The following EBF3 variants were observed in gnomAD, a reference collection of about 807,000 sequenced individuals.
EBF3 encodes transcription factor COE3.
EBF3 carries 18 observed loss-of-function variants against 77.1 expected under a neutral mutation model. That is an observed-to-expected ratio of 0.23 (90% confidence interval 0.16 to 0.35). EBF3 has a LOEUF of 0.35. EBF3 is among the 10% of genes least tolerant of loss of function. The pLI is 1.00. For synonymous variants in EBF3, 350 were observed against 343.5 expected (o/e 1.02, Z -0.21); for missense variants, 558 against 860.0 (o/e 0.65, Z 4.39).
At chr10:129,843,982 G>A (rs1350639170) in intron 11 of EBF3, among the ~76,000 whole-genome samples, 1 of 152,176 alleles carries the variant, frequency 6.6e-6, no homozygotes, top group Non-Finnish European at 1.5e-5. Flanking sequence ...ATACAAATGG[G>A]GGCTTACGTT....
At position 129,841,229 on chromosome 10, in the gene EBF3, C is replaced by T. The variant is rs2133947340; in HGVS notation, c.1373-197G>A. 6.6e-6 allele frequency among the ~76,000 whole-genome samples: 1 copy of T among 152,338 alleles called. No homozygotes were observed. Among genetic ancestry groups the T allele is most frequent in the African/African-American group, 2.4e-5 (1 of 41,576 alleles). ...GCCACTGTCTCACCGTGAGCCCCAT[C>T]CTGTCTCTGCTGGCTTCAACAGCCA... On this transcript the variant is annotated intron_variant, in intron 13 of 16. Coordinates refer to ENST00000440978, the MANE Select transcript of EBF3 (RefSeq NM_001375380.1). This position sits in a 1 kb window ranked among gnomAD's most constrained non-coding sequence, Gnocchi z 4.6.
intron 6 of EBF3, among the ~76,000 whole-genome samples, chr10:129,930,113 T>C (rs1856906578): frequency 6.6e-6 from 1 of 152,172 alleles, no homozygotes; most frequent in Non-Finnish European, 1.5e-5. Context: ...CTTTGCACTC[T>C]GGGATTCACA....
chr10:129,920,525 C>T (rs983344430), intron 6 of EBF3, among the ~76,000 whole-genome samples: 1 of 152,218 alleles, frequency 6.6e-6, no homozygotes, highest in African/African-American at 2.4e-5. Flanking sequence ...CTCCTCCTGA[C>T]CCAGCTGGGG....
At chr10:129,840,150 G>C (rs1452820999) in intron 15 of EBF3, 95 bp downstream of exon 15, 1 of 1,434,432 alleles carries the variant, frequency 7.0e-7, no homozygotes, top group East Asian at 2.5e-5. Flanking sequence ...AGCAGTCACA[G>C]AGGTGCCAGG....
intron 6 of EBF3, among the ~76,000 whole-genome samples, chr10:129,909,750 C>T (rs1186461650): frequency 3.3e-5 from 5 of 152,128 alleles, no homozygotes; most frequent in Admixed American, 2.0e-4. Context: ...TGTGGCACAC[C>T]GTCAGCCGCC....
chr10:129,899,702 A>T (rs1854649612), intron 6 of EBF3, among the ~76,000 whole-genome samples: 1 of 152,088 alleles, frequency 6.6e-6, no homozygotes, highest in Non-Finnish European at 1.5e-5. Context: ...ACCGGAAAGG[A>T]CGCCAGCACC....
intron 6 of EBF3, among the ~76,000 whole-genome samples, chr10:129,915,597 C>G (rs1362050573): frequency 6.6e-6 from 1 of 152,152 alleles, no homozygotes; most frequent in East Asian, 1.9e-4. Context: ...CGAGCGACAG[C>G]CCAGACATCA....
intron 10 of EBF3, among the ~76,000 whole-genome samples, chr10:129,852,177 C>A (rs1193145580): frequency 6.6e-6 from 1 of 152,124 alleles, no homozygotes; most frequent in African/African-American, 2.4e-5. Context: ...GCTTCCTGCA[C>A]GCTGGAATAG....
intron 6 of EBF3, among the ~76,000 whole-genome samples, chr10:129,934,020 A>G (rs1313432471): frequency 6.6e-6 from 1 of 152,204 alleles, no homozygotes; most frequent in Non-Finnish European, 1.5e-5. Flanking sequence ...GATTTAGCAA[A>G]TAAAAATACA....
chr10:129,932,726 C>T (rs1857105399), intron 6 of EBF3, among the ~76,000 whole-genome samples: 1 of 152,282 alleles, frequency 6.6e-6, no homozygotes, highest in South Asian at 2.1e-4. Flanking sequence ...GAAACCATCA[C>T]TTGTTCAACA....
intron 6 of EBF3, among the ~76,000 whole-genome samples, chr10:129,893,700 G>A (rs558550123): frequency 2.0e-5 from 3 of 152,292 alleles, no homozygotes; most frequent in African/African-American, 7.2e-5. Context: ...GCAAATCACA[G>A]CGCACGCATG....
intron 6 of EBF3, among the ~76,000 whole-genome samples, chr10:129,939,790 G>A (rs757595470): frequency 1.1e-4 from 17 of 152,320 alleles, no homozygotes; most frequent in Non-Finnish European, 2.2e-4. Context: ...AGCTAATACC[G>A]GACTTCGTCT....
At chr10:129,929,943 A>G (rs1189992980) in intron 6 of EBF3, among the ~76,000 whole-genome samples, 1 of 152,154 alleles carries the variant, frequency 6.6e-6, no homozygotes, top group East Asian at 1.9e-4. Context: ...GTCGGAGCAC[A>G]CTGGGTAGGG....
intron 4 of EBF3, among the ~76,000 whole-genome samples, chr10:129,960,683 G>A (rs1859441085): frequency 7.6e-6 from 1 of 131,872 alleles, no homozygotes; most frequent in Non-Finnish European, 1.6e-5. Flanking sequence ...GAGATTAAAT[G>A]CCTTTATTTT....
intron 6 of EBF3, among the ~76,000 whole-genome samples, chr10:129,946,808 C>T (rs1276726867): frequency 1.3e-5 from 2 of 152,190 alleles, no homozygotes; most frequent in Admixed American, 1.3e-4. Flanking sequence ...TATTAACTTG[C>T]ATAACTCATT....
intron 10 of EBF3, among the ~76,000 whole-genome samples, chr10:129,852,649 T>C (rs1419177008): frequency 7.2e-5 from 11 of 152,250 alleles, no homozygotes; most frequent in Admixed American, 5.9e-4. Flanking sequence ...CGTTAACTTA[T>C]AAACGTCATT....
chr10:129,930,728 G>A (rs926022095), intron 6 of EBF3, among the ~76,000 whole-genome samples: 11 of 135,702 alleles, frequency 8.1e-5, no homozygotes, highest in African/African-American at 3.1e-4. Flanking sequence ...ATCTGTATCT[G>A]TCTATATCTA....
chr10:129,880,604 G>A (rs1018348775), intron 6 of EBF3, among the ~76,000 whole-genome samples: 3 of 152,220 alleles, frequency 2.0e-5, no homozygotes, highest in African/African-American at 4.8e-5. Context: ...CTAAAGAGCA[G>A]TGCAAGTACT....
rs1853473114 is a variant in EBF3 at position 129,885,011 on chromosome 10, A to G, written c.555-7162T>C. 6.6e-6 allele frequency among the ~76,000 whole-genome samples: 1 copy of G among 152,170 alleles called. No individual in the cohort carries two copies. Among genetic ancestry groups the G allele is most frequent in the Admixed American group, 6.5e-5 (1 of 15,280 alleles). On this transcript the variant is annotated intron_variant, in intron 6 of 16. Transcript: ENST00000440978. The surrounding 1 kb of genome is among the most constrained non-coding windows in gnomAD (Gnocchi z 4.0). ...GACAAATACCTCACTATCGAACATTATTAGGTTTAGAAAATTAACCCTTCA... is the reference window on the plus strand; with the variant it reads ...GACAAATACCTCACTATCGAACATTGTTAGGTTTAGAAAATTAACCCTTCA...
Sources: gnomAD v4.1 joint callset for allele counts (sites outside exome capture counted in the v4.1 genomes callset) on GRCh38, gnomAD v4.1.1 for gene constraint, Gnocchi (gnomAD v3.1) non-coding constraint, MANE v1.5 for transcripts, NCBI Gene and HGNC (gene_info 2026-07-23, HGNC 2026-07-21) for gene names.